DNAH11: variants seen among roughly 807,000 people sequenced by gnomAD.
The protein encoded by DNAH11 is axonemal beta dynein heavy chain 11.
Under a neutral mutation model 526.0 loss-of-function variants are expected in DNAH11, and 442 were observed. That is an observed-to-expected ratio of 0.84 (90% CI 0.78 to 0.91). DNAH11 has a LOEUF of 0.91. Among genes scored for constraint, DNAH11 ranks in the 40% least tolerant of loss-of-function variants. DNAH11 has a pLI of 0.00. For missense variants in DNAH11, 6,989 were observed against 5,448.7 expected (o/e 1.28, Z -8.90); for synonymous variants, 2,461 against 1,935.9 (o/e 1.27, Z -7.12).
intron 63 of DNAH11, among the ~76,000 whole-genome samples, chr7:21,811,289 C>A (rs551204077): frequency 1.4e-5 from 2 of 143,244 alleles, no homozygotes; most frequent in South Asian, 2.1e-4. Context: ...ATGGTGAAAC[C>A]CCCCCCCCTA....
chr7:21,866,852 C>G (rs181781802), intron 71 of DNAH11, among the ~76,000 whole-genome samples, 189 bp downstream of exon 71: 1 of 152,250 alleles, frequency 6.6e-6, no homozygotes, highest in East Asian at 1.9e-4. Context: ...GCTAGGCAGA[C>G]TCAGCACATT....
rs559984327 is a variant in DNAH11 at position 21,901,779 on chromosome 7, T to C, written c.*525T>C. The stretch of plus-strand genomic sequence containing the variant: ...GGCCTCCAGTGTCCAGTGTCTACAA[T>C]GTTGATGGTCCCCTTTTGTTCAGTC... On this transcript the variant is annotated 3_prime_UTR_variant, in exon 82 of 82. Coordinates refer to ENST00000409508, the MANE Select transcript of DNAH11 (RefSeq NM_001277115.2). The C allele has an allele frequency of 3.9e-4, 63 of 161,460 alleles. No homozygotes were observed. Among genetic ancestry groups the C allele is most frequent in the Admixed American group, 1.2e-4 (2 of 17,002 alleles). The allele number at this position is 161,460 out of a possible 1,614,324, so 10.0% of individuals were successfully genotyped here.
At chr7:21,895,025 C>G (rs774028323) in intron 79 of DNAH11, 26 bp downstream of exon 79, 3 of 1,593,490 alleles carry the variant, frequency 1.9e-6, no homozygotes, top group Admixed American at 1.7e-5. Flanking sequence ...CTCACTGCCA[C>G]TGGCCCTGAG....
chr7:21,559,852 AC>A (rs1277575982), intron 4 of DNAH11, 60 bp downstream of exon 4: 1 of 1,373,708 alleles, frequency 7.3e-7, no homozygotes, highest in East Asian at 2.5e-5. Flanking sequence ...AGCTGCAATG[AC>A]CAATAGTTTT....
rs1784832605 is a variant in DNAH11, at chr7:21,901,362, G to A, written c.*108G>A. 5.1e-6 allele frequency: 7 copies of A among 1,372,064 alleles called. No individual in the cohort carries two copies. The highest frequency in any genetic ancestry group is 1.5e-5 in the African/African-American group (1 of 68,782). 85.0% of individuals were successfully genotyped at this position (1,372,064 alleles called of 1,614,324 possible). The stretch of plus-strand genomic sequence containing the variant: ...ATTCTAACTTTTTAGTAACTCACAC[G>A]TGCATTCTTTTTTCAACGCTATCCT... On this transcript the variant is annotated 3_prime_UTR_variant, in exon 82 of 82. Transcript: ENST00000409508.
At chr7:21,834,251 A>G (rs2128010627) in intron 65 of DNAH11, among the ~76,000 whole-genome samples, 1 of 152,330 alleles carries the variant, frequency 6.6e-6, no homozygotes, top group East Asian at 1.9e-4. Flanking sequence ...GTACTCCTAA[A>G]CAACAAACGG....
chr7:21,545,282 A>AAAAAAAG, intron 2 of DNAH11, 133 bp downstream of exon 2: 1 of 774,948 alleles, frequency 1.3e-6, no homozygotes, highest in Non-Finnish European at 1.9e-6. Flanking sequence ...GTTAAAAAAA[A>AAAAAAAG]AAAAAAAAAA....
intron 28 of DNAH11, among the ~76,000 whole-genome samples, chr7:21,645,220 C>T (rs1398156086): frequency 6.6e-6 from 1 of 152,162 alleles, no homozygotes; most frequent in Non-Finnish European, 1.5e-5. Flanking sequence ...GTGGTTTCAG[C>T]CTTGCTTTGA....
intron 57 of DNAH11, 130 bp downstream of exon 57, chr7:21,779,234 G>A: frequency 8.8e-7 from 1 of 1,134,816 alleles, no homozygotes; most frequent in Non-Finnish European, 1.2e-6. Context: ...AGTTACACAT[G>A]TAACAGCATT....
intron 65 of DNAH11, among the ~76,000 whole-genome samples, chr7:21,831,607 T>C (rs1781773127): frequency 6.6e-6 from 1 of 152,174 alleles, no homozygotes; most frequent in Non-Finnish European, 1.5e-5. Context: ...TCCCCCCCTC[T>C]ATTAACCTCT....
At chr7:21,595,362 A>G (rs1027194078) in intron 14 of DNAH11, among the ~76,000 whole-genome samples, 1 of 152,216 alleles carries the variant, frequency 6.6e-6, no homozygotes, top group Non-Finnish European at 1.5e-5. Flanking sequence ...GGAGGACATA[A>G]GCATTCAGAC....
At chr7:21,820,471 T>C (rs1384722848) in intron 65 of DNAH11, among the ~76,000 whole-genome samples, 1 of 152,126 alleles carries the variant, frequency 6.6e-6, no homozygotes, top group Non-Finnish European at 1.5e-5. Flanking sequence ...ATTTGTGAGG[T>C]AGACAAGTGG....
At chr7:21,606,832 T>C (rs1053773605) in intron 20 of DNAH11, 99 bp downstream of exon 20, 8 of 1,071,666 alleles carry the variant, frequency 7.5e-6, no homozygotes, top group Admixed American at 4.7e-5. Context: ...TTTGTTTTGC[T>C]GTTATAGGAA....
At chr7:21,865,585 G>A (rs1372091551) in intron 70 of DNAH11, among the ~76,000 whole-genome samples, 1 of 152,156 alleles carries the variant, frequency 6.6e-6, no homozygotes, top group Non-Finnish European at 1.5e-5. Flanking sequence ...AACCTTAGAG[G>A]ATCTGTGGCC....
intron 73 of DNAH11, among the ~76,000 whole-genome samples, chr7:21,870,087 AGTC>A (rs1783438241): frequency 6.6e-6 from 1 of 152,182 alleles, no homozygotes; most frequent in East Asian, 1.9e-4. Flanking sequence ...CTAGGTTAGG[AGTC>A]GTGATTCTCT....
intron 66 of DNAH11, among the ~76,000 whole-genome samples, chr7:21,849,613 C>G (rs1260412910): frequency 6.6e-6 from 1 of 151,910 alleles, no homozygotes; most frequent in African/African-American, 2.4e-5. Context: ...TGTTTTTTTC[C>G]TTAAACATTT....
At chr7:21,716,962 C>A (rs1327903218) in intron 42 of DNAH11, among the ~76,000 whole-genome samples, 1 of 152,030 alleles carries the variant, frequency 6.6e-6, no homozygotes. Flanking sequence ...CAAGGTGTAG[C>A]TGAAATTGAC....
chr7:21,603,540 A>C (rs1294318420), intron 18 of DNAH11, among the ~76,000 whole-genome samples: 6 of 152,170 alleles, frequency 3.9e-5, no homozygotes, highest in African/African-American at 1.4e-4. Context: ...GTGAGGATTA[A>C]ATGCAGCAGG....
At chr7:21,731,827 C>T (rs888200430) in intron 45 of DNAH11, among the ~76,000 whole-genome samples, 4 of 152,084 alleles carry the variant, frequency 2.6e-5, no homozygotes, top group East Asian at 1.9e-4. Flanking sequence ...GTGACCAGGT[C>T]GATTGTTGTG....
Sources: gnomAD v4.1 joint callset for allele counts (sites outside exome capture counted in the v4.1 genomes callset) on GRCh38, gnomAD v4.1.1 for gene constraint, MANE v1.5 for transcripts, NCBI Gene and HGNC (gene_info 2026-07-23, HGNC 2026-07-21) for gene names.